The following SNX29 variants were observed in gnomAD, a reference collection of about 807,000 sequenced individuals.
The protein encoded by SNX29 is sorting nexin-29.
In SNX29, 78 loss-of-function variants were observed where a neutral mutation model predicts 102.1. The ratio of observed to expected loss-of-function variants is 0.76; its 90% CI spans 0.64 to 0.92. The LOEUF is 0.92. Ranked by LOEUF, SNX29 falls within the 40% of genes least tolerant of loss-of-function variation. The probability of loss-of-function intolerance (pLI) is 0.00; values close to 1 mark genes in which losing one functional copy is unlikely to be tolerated. For synonymous variants in SNX29, 580 were observed against 414.5 expected (o/e 1.40, Z -4.85); for missense variants, 1,280 against 1,061.7 (o/e 1.21, Z -2.86).
At position 12,572,482 on chromosome 16, in the gene SNX29, T is replaced by C. The variant is rs2079208235; in HGVS notation, c.*3853T>C. ...TTTTGCCAACCCTGAGGACCAGTTC[T>C]TGGGGTTCCAGGCCTCGGCCTTCCT... On this transcript the variant is annotated 3_prime_UTR_variant, in exon 21 of 21. Coordinates refer to ENST00000566228, the MANE Select transcript of SNX29 (RefSeq NM_032167.5). 9.4e-7 allele frequency: 1 copy of C among 1,063,886 alleles called. No individual in the cohort carries two copies. The highest frequency in any genetic ancestry group is 1.1e-6 in the Non-Finnish European group (1 of 878,414). The allele number at this position is 1,063,886 out of a possible 1,614,324, so 65.9% of individuals were successfully genotyped here.
In SNX29 at chr16:12,277,808, G is replaced by A. The variant is rs999759283; in HGVS notation, c.1679-125G>A. On this transcript the variant is annotated intron_variant, in intron 14 of 20. Transcript: ENST00000566228. ...TGAAGTAGTTAGTAAGTGTGTGTGT[G>A]TGTTTTTCTTGAGAGCTTTTTCAGT... The A allele has an allele frequency of 4.3e-6, 3 of 705,296 alleles. No individual in the cohort carries two copies. In the African/African-American group the frequency reaches 5.4e-5, roughly 13 times the overall value. The allele number at this position is 705,296 out of a possible 1,614,324, so 43.7% of individuals were successfully genotyped here.
intron 18 of SNX29, among the ~76,000 whole-genome samples, chr16:12,433,187 C>T (rs1455450692): frequency 1.3e-5 from 2 of 152,176 alleles, no homozygotes; most frequent in Admixed American, 6.5e-5. Context: ...CTTGGTTAGC[C>T]ACAGTTCTGG....
intron 20 of SNX29, among the ~76,000 whole-genome samples, chr16:12,564,767 C>T (rs930276499): frequency 6.6e-6 from 1 of 151,710 alleles, no homozygotes; most frequent in Non-Finnish European, 1.5e-5. Context: ...TGGTGATTGG[C>T]TTTATGATTG....
rs538802251 is a variant in SNX29, at chr16:12,570,458, A to C, written c.*1829A>C. 4.6e-5 allele frequency: 11 copies of C among 237,062 alleles called. No homozygotes were observed. Among genetic ancestry groups the C allele is most frequent in the Admixed American group, 2.8e-4 (5 of 17,776 alleles). 14.7% of individuals were successfully genotyped at this position (237,062 alleles called of 1,614,324 possible). A position where few individuals can be genotyped will look rare whatever the true frequency, so the allele number is the denominator to read the frequency against. On this transcript the variant is annotated 3_prime_UTR_variant, in exon 21 of 21. Transcript: ENST00000566228. The stretch of plus-strand genomic sequence containing the variant: ...GAGAGCCCTAATGGACTGAGGCAGG[A>C]AACGTCTAAAAGCTCAATCTGCTGT...
chr16:12,141,242 A>C (rs948892708), intron 13 of SNX29, among the ~76,000 whole-genome samples: 1 of 152,224 alleles, frequency 6.6e-6, no homozygotes, highest in African/African-American at 2.4e-5. Flanking sequence ...CGCCTACATG[A>C]ATGGCCACAG....
intron 14 of SNX29, among the ~76,000 whole-genome samples, chr16:12,270,822 G>A (rs7197683): frequency 0.77 from 117,163 of 151,874 alleles, 46,231 homozygotes; most frequent in African/African-American, 0.94. Context: ...CGGGTAGATC[G>A]CCTGCGGTCA....
intron 14 of SNX29, among the ~76,000 whole-genome samples, chr16:12,268,110 G>T (rs1596692388): frequency 6.6e-6 from 1 of 152,188 alleles, no homozygotes; most frequent in Non-Finnish European, 1.5e-5. Flanking sequence ...TCACTAGCGA[G>T]GGCTTTCTTC....
intron 20 of SNX29, among the ~76,000 whole-genome samples, chr16:12,567,771 A>G (rs567235567): frequency 1.6e-4 from 25 of 152,260 alleles, no homozygotes; most frequent in African/African-American, 5.8e-4. Context: ...CAGAAAATAC[A>G]ATTTTGAAAA....
chr16:12,432,886 C>T (rs1309066054), intron 18 of SNX29, among the ~76,000 whole-genome samples: 1 of 152,210 alleles, frequency 6.6e-6, no homozygotes, highest in Non-Finnish European at 1.5e-5. Flanking sequence ...GACTTTCTCC[C>T]CATGTGTTGA....
At chr16:12,211,017 A>C (rs997483769) in intron 14 of SNX29, among the ~76,000 whole-genome samples, 1 of 152,192 alleles carries the variant, frequency 6.6e-6, no homozygotes, top group South Asian at 2.1e-4. Flanking sequence ...CCTTTAGTGC[A>C]GAGTGAGGCT....
At chr16:11,993,851 T>A (rs1340529314) in intron 1 of SNX29, among the ~76,000 whole-genome samples, 1 of 152,200 alleles carries the variant, frequency 6.6e-6, no homozygotes, top group East Asian at 1.9e-4. Context: ...CCGGGCGCGG[T>A]GGCTCATGCC....
intron 13 of SNX29, among the ~76,000 whole-genome samples, chr16:12,144,561 C>G (rs964074578): frequency 6.6e-6 from 1 of 152,190 alleles, no homozygotes; most frequent in African/African-American, 2.4e-5. Flanking sequence ...TGCCTTCTGA[C>G]CTATGATGAC....
At chr16:12,284,835 C>G (rs2079542689) in intron 15 of SNX29, among the ~76,000 whole-genome samples, 1 of 152,050 alleles carries the variant, frequency 6.6e-6, no homozygotes, top group Non-Finnish European at 1.5e-5. Flanking sequence ...AGCAATTCTC[C>G]TGCCTCAGCC....
At position 12,574,001 on chromosome 16, in the gene SNX29, C is replaced by A. The variant is rs1696359193; in HGVS notation, c.*5372C>A. On this transcript the variant is annotated 3_prime_UTR_variant, in exon 21 of 21. Transcript: ENST00000566228. ...CGCCCATGATCGGCTCCCAGTGCAC[C>A]CCCTTAAGGGTAAGCAGGCCACATA... The A allele has an allele frequency of 5.1e-6, 1 of 197,884 alleles. No individual in the cohort carries two copies. The highest frequency in any genetic ancestry group is 1.9e-4 in the South Asian group (1 of 5,198). 12.3% of individuals were successfully genotyped at this position (197,884 alleles called of 1,614,324 possible).
chr16:12,555,424 T>C (rs74589752), intron 20 of SNX29, among the ~76,000 whole-genome samples: 2,305 of 152,054 alleles, frequency 0.015, 57 homozygotes, highest in African/African-American at 0.052. Context: ...TCAGGTTGCT[T>C]TGTAGGAGAC....
At chr16:12,118,648 T>C (rs1176472977) in intron 11 of SNX29, among the ~76,000 whole-genome samples, 3 of 152,036 alleles carry the variant, frequency 2.0e-5, no homozygotes, top group Admixed American at 1.3e-4. Context: ...TGATATGAAA[T>C]GAGAACATAT....
chr16:12,296,125 A>G (rs62039964), intron 15 of SNX29, among the ~76,000 whole-genome samples: 2,377 of 152,328 alleles, frequency 0.016, 25 homozygotes, highest in Non-Finnish European at 0.025. Context: ...TTTTAAAGTT[A>G]ATGGAAAATT....
chr16:12,083,381 A>G (rs1285863301), intron 11 of SNX29, among the ~76,000 whole-genome samples: 1 of 151,528 alleles, frequency 6.6e-6, no homozygotes, highest in Non-Finnish European at 1.5e-5. Flanking sequence ...AGGTGCCAGC[A>G]GGGTTGATTT....
At chr16:12,404,967 T>C (rs1255772982) in intron 18 of SNX29, among the ~76,000 whole-genome samples, 2 of 152,216 alleles carry the variant, frequency 1.3e-5, no homozygotes, top group African/African-American at 4.8e-5. Flanking sequence ...CACCTTCAGC[T>C]GGGCAACAGT....
Sources: allele counts gnomAD v4.1 joint callset (sites outside exome capture counted in the v4.1 genomes callset), GRCh38; gene constraint gnomAD v4.1.1; transcripts MANE v1.5; gene names NCBI Gene and HGNC (gene_info 2026-07-23, HGNC 2026-07-21).